The following CCDC91 variants were observed in gnomAD, a reference collection of about 807,000 sequenced individuals.
The protein encoded by CCDC91 is coiled-coil domain-containing protein 91.
CCDC91 carries 48 observed loss-of-function variants against 63.2 expected under a neutral mutation model. The observed-to-expected ratio is 0.76, with a 90% confidence interval of 0.60 to 0.97. CCDC91 has a LOEUF of 0.97. Ranked by LOEUF, CCDC91 falls within the 50% of genes least tolerant of loss-of-function variation. The pLI is 0.00. For missense variants in CCDC91, 500 were observed against 494.6 expected, an observed-to-expected ratio of 1.01 and a Z score of -0.10; for synonymous variants, 167 against 165.8, an observed-to-expected ratio of 1.01 and a Z score of -0.06.
intron 1 of CCDC91, among the ~76,000 whole-genome samples, chr12:28,251,861 A>G (rs904827268): frequency 1.3e-5 from 2 of 152,100 alleles, no homozygotes; most frequent in Non-Finnish European, 2.9e-5. Context: ...TCAGTTCACT[A>G]TTATTCTGGG....
At chr12:28,496,667 A>G (rs1213877166) in intron 12 of CCDC91, among the ~76,000 whole-genome samples, 3 of 151,490 alleles carry the variant, frequency 2.0e-5, no homozygotes, top group Non-Finnish European at 4.4e-5. Flanking sequence ...TTCTTTCTAG[A>G]ACAGAACATT....
intron 7 of CCDC91, among the ~76,000 whole-genome samples, chr12:28,378,131 T>C (rs1231753364): frequency 6.6e-6 from 1 of 152,082 alleles, no homozygotes; most frequent in East Asian, 1.9e-4. Flanking sequence ...ACATACACTT[T>C]AGTAGCTCTA....
chr12:28,470,155 A>C (rs1438118605), intron 11 of CCDC91, among the ~76,000 whole-genome samples: 1 of 152,176 alleles, frequency 6.6e-6, no homozygotes, highest in African/African-American at 2.4e-5. Context: ...CAACCCACAG[A>C]ATGAGAGAAA....
At chr12:28,360,624 A>G (rs1592422019) in intron 6 of CCDC91, among the ~76,000 whole-genome samples, 2 of 152,190 alleles carry the variant, frequency 1.3e-5, no homozygotes, top group Admixed American at 6.5e-5. Flanking sequence ...TTATGTCACT[A>G]GGTTTAATTT....
intron 7 of CCDC91, among the ~76,000 whole-genome samples, chr12:28,375,279 CATT>C (rs1944876269): frequency 6.6e-6 from 1 of 151,820 alleles, no homozygotes. Flanking sequence ...TAGGTATTAT[CATT>C]ATCATTTCTA....
At chr12:28,339,674 T>G (rs1050946590) in intron 6 of CCDC91, among the ~76,000 whole-genome samples, 4 of 152,190 alleles carry the variant, frequency 2.6e-5, no homozygotes, top group African/African-American at 7.2e-5. Flanking sequence ...CCATTTTATA[T>G]AAGAGACTTG....
At chr12:28,241,953 G>A (rs1319848019) in intron 1 of CCDC91, among the ~76,000 whole-genome samples, 12 of 128,138 alleles carry the variant, frequency 9.4e-5, no homozygotes, top group African/African-American at 3.0e-4. Flanking sequence ...CTGATATAGC[G>A]CCATTACACT....
intron 1 of CCDC91, among the ~76,000 whole-genome samples, chr12:28,209,027 T>G (rs1478741957): frequency 1.3e-5 from 2 of 151,946 alleles, no homozygotes; most frequent in Non-Finnish European, 2.9e-5. Flanking sequence ...AGGATGGTCT[T>G]GATCTCCTGA....
chr12:28,484,640 GA>G (rs1951624546), intron 12 of CCDC91, among the ~76,000 whole-genome samples: 1 of 151,992 alleles, frequency 6.6e-6, no homozygotes, highest in African/African-American at 2.4e-5. Context: ...ATGCTTGTAA[GA>G]ATTTAGGATG....
At chr12:28,506,593 G>C (rs1214680748) in intron 12 of CCDC91, among the ~76,000 whole-genome samples, 1 of 151,950 alleles carries the variant, frequency 6.6e-6, no homozygotes, top group Non-Finnish European at 1.5e-5. Context: ...TATTCATTGT[G>C]TATGGTTTAC....
intron 11 of CCDC91, among the ~76,000 whole-genome samples, chr12:28,454,229 C>G (rs1949953810): frequency 6.6e-6 from 1 of 152,032 alleles, no homozygotes; most frequent in Non-Finnish European, 1.5e-5. Flanking sequence ...TTTCTTGACT[C>G]TATATGTTGG....
At chr12:28,416,563 TA>T (rs1357400682) in intron 8 of CCDC91, among the ~76,000 whole-genome samples, 4 of 151,860 alleles carry the variant, frequency 2.6e-5, no homozygotes, top group African/African-American at 9.7e-5. Flanking sequence ...ACATCAAGGA[TA>T]GGGGGAATTG....
chr12:28,492,263 G>C (rs1292371968), intron 12 of CCDC91, among the ~76,000 whole-genome samples: 1 of 151,212 alleles, frequency 6.6e-6, no homozygotes, highest in Non-Finnish European at 1.5e-5. Context: ...CTTAATAGTT[G>C]GAGCACTGTG....
At chr12:28,515,147 C>T (rs1592919287) in intron 12 of CCDC91, among the ~76,000 whole-genome samples, 1 of 151,778 alleles carries the variant, frequency 6.6e-6, no homozygotes, top group East Asian at 1.9e-4. Flanking sequence ...TTTCCCCCAA[C>T]TGTACCACCA....
intron 8 of CCDC91, among the ~76,000 whole-genome samples, chr12:28,404,207 A>C (rs1226907883): frequency 6.6e-6 from 1 of 151,884 alleles, no homozygotes; most frequent in Non-Finnish European, 1.5e-5. Flanking sequence ...AATTTTGATA[A>C]GTTGTGTTTT....
At chr12:28,506,274 A>G (rs1193204798) in intron 12 of CCDC91, among the ~76,000 whole-genome samples, 1 of 151,974 alleles carries the variant, frequency 6.6e-6, no homozygotes, top group African/African-American at 2.4e-5. Flanking sequence ...GGAAACTCAG[A>G]GGCAGCAGCA....
chr12:28,253,497 ATATACC>A (rs1334322490), intron 1 of CCDC91, among the ~76,000 whole-genome samples: 2 of 152,180 alleles, frequency 1.3e-5, no homozygotes, highest in African/African-American at 2.4e-5. Context: ...TGGTCTTAGC[ATATACC>A]TATGACTCTT....
chr12:28,260,620 C>G (rs1382696627), intron 3 of CCDC91, among the ~76,000 whole-genome samples: 6 of 151,808 alleles, frequency 4.0e-5, no homozygotes, highest in Admixed American at 3.9e-4. Flanking sequence ...TCTACGTGCA[C>G]CTATTATCTG....
At chr12:28,443,240 A>C (rs1316541481) in intron 8 of CCDC91, among the ~76,000 whole-genome samples, 1 of 146,822 alleles carries the variant, frequency 6.8e-6, no homozygotes, top group African/African-American at 2.5e-5. Flanking sequence ...GTCCTAGGCA[A>C]AAAAAAAAAA....
Sources: gnomAD v4.1 joint callset for allele counts (sites outside exome capture counted in the v4.1 genomes callset) on GRCh38, gnomAD v4.1.1 for gene constraint, MANE v1.5 for transcripts, NCBI Gene and HGNC (gene_info 2026-07-23, HGNC 2026-07-21) for gene names.